Variants in KIAA1328 observed in about 807,000 individuals in gnomAD.
KIAA1328 encodes the protein KIAA1328, also known as protein hinderin.
KIAA1328 carries 52 observed loss-of-function variants against 68.1 expected under a neutral mutation model. That is an observed-to-expected ratio of 0.76 (90% CI 0.61 to 0.96). KIAA1328 has a LOEUF of 0.96. Among genes scored for constraint, KIAA1328 ranks in the 40% least tolerant of loss-of-function variants. KIAA1328 has a pLI of 0.00. For missense variants in KIAA1328, 641 were observed against 677.6 expected, an observed-to-expected ratio of 0.95 and a Z score of 0.60; for synonymous variants, 232 against 239.4, an observed-to-expected ratio of 0.97 and a Z score of 0.28.
intron 6 of KIAA1328, among the ~76,000 whole-genome samples, chr18:37,063,173 T>C (rs747623340): frequency 6.6e-6 from 1 of 152,044 alleles, no homozygotes; most frequent in Non-Finnish European, 1.5e-5. Context: ...TTGGCAGAAG[T>C]TAGTTTCTTA....
At chr18:36,993,756 A>C (rs1269258586) in intron 6 of KIAA1328, among the ~76,000 whole-genome samples, 1 of 152,190 alleles carries the variant, frequency 6.6e-6, no homozygotes, top group Non-Finnish European at 1.5e-5. Context: ...TTGTAACCGA[A>C]GAAAGAAAAG....
At chr18:36,904,302 G>GT (rs1245366732) in intron 5 of KIAA1328, among the ~76,000 whole-genome samples, 1 of 152,052 alleles carries the variant, frequency 6.6e-6, no homozygotes, top group Non-Finnish European at 1.5e-5. Flanking sequence ...CCTACTTGTT[G>GT]TATCAGTTAT....
intron 6 of KIAA1328, among the ~76,000 whole-genome samples, chr18:37,022,542 C>G (rs973152815): frequency 3.9e-5 from 6 of 152,136 alleles, no homozygotes; most frequent in Non-Finnish European, 8.8e-5. Context: ...TTACAGAAGG[C>G]TGATATTTAA....
At chr18:36,956,815 G>T (rs1598817919) in intron 5 of KIAA1328, among the ~76,000 whole-genome samples, 1 of 152,098 alleles carries the variant, frequency 6.6e-6, no homozygotes, top group African/African-American at 2.4e-5. Flanking sequence ...TCTCCTTTGT[G>T]TACATAATAG....
intron 4 of KIAA1328, among the ~76,000 whole-genome samples, chr18:36,860,253 G>A (rs183873110): frequency 3.3e-4 from 50 of 152,180 alleles, no homozygotes; most frequent in African/African-American, 1.1e-3. Flanking sequence ...GTTTTTGCTT[G>A]TTGAGGGCGT....
intron 9 of KIAA1328, among the ~76,000 whole-genome samples, chr18:37,212,953 AAGTGATCCACCTGCCTC>A (rs2060346153): frequency 6.6e-6 from 1 of 152,158 alleles, no homozygotes; most frequent in Non-Finnish European, 1.5e-5. Context: ...TCCTGACATC[AAGTGATCCACCTGCCTC>A]AGCCTCCCAA....
chr18:36,829,547 G>T, intron 1 of KIAA1328: 1 of 783,954 alleles, frequency 1.3e-6, no homozygotes, highest in East Asian at 5.9e-5. Context: ...TGACTTGAGT[G>T]TGCGGAGCTA....
At chr18:37,058,689 G>C (rs1199216096) in intron 6 of KIAA1328, among the ~76,000 whole-genome samples, 1 of 152,002 alleles carries the variant, frequency 6.6e-6, no homozygotes, top group Non-Finnish European at 1.5e-5. Context: ...TCCAGCCTGG[G>C]TGACAGAGCA....
chr18:37,009,474 C>T (rs902407523), intron 6 of KIAA1328, among the ~76,000 whole-genome samples: 1 of 151,954 alleles, frequency 6.6e-6, no homozygotes, highest in Non-Finnish European at 1.5e-5. Flanking sequence ...CTTTTTTTCT[C>T]CAGCAGCTGT....
chr18:37,035,386 T>A (rs1460769235), intron 6 of KIAA1328, among the ~76,000 whole-genome samples: 1 of 152,190 alleles, frequency 6.6e-6, no homozygotes, highest in Non-Finnish European at 1.5e-5. Flanking sequence ...TATATGCATT[T>A]TAGCAAACCT....
chr18:37,153,386 A>G (rs2059080092), intron 7 of KIAA1328, among the ~76,000 whole-genome samples: 1 of 152,172 alleles, frequency 6.6e-6, no homozygotes, highest in Non-Finnish European at 1.5e-5. Flanking sequence ...TATATTACAG[A>G]AAATGGCAGC....
intron 5 of KIAA1328, among the ~76,000 whole-genome samples, chr18:36,941,838 A>G (rs1357477519): frequency 6.6e-6 from 1 of 152,172 alleles, no homozygotes; most frequent in Non-Finnish European, 1.5e-5. Context: ...TACCATGCAG[A>G]ATCATTACTA....
At chr18:37,081,204 A>T (rs2056939946) in intron 7 of KIAA1328, among the ~76,000 whole-genome samples, 1 of 151,914 alleles carries the variant, frequency 6.6e-6, no homozygotes, top group Admixed American at 6.6e-5. Context: ...CTGGTCTCAA[A>T]CTCCTGATCT....
intron 7 of KIAA1328, among the ~76,000 whole-genome samples, chr18:37,082,166 A>T (rs1342209298): frequency 7.0e-5 from 7 of 100,414 alleles, no homozygotes; most frequent in East Asian, 2.5e-4. Context: ...TGCCCCAAGG[A>T]TTTTTTTTTT....
intron 9 of KIAA1328, among the ~76,000 whole-genome samples, chr18:37,176,138 A>G (rs984496140): frequency 6.6e-6 from 1 of 152,222 alleles, no homozygotes; most frequent in African/African-American, 2.4e-5. Context: ...ATTTATTTAA[A>G]GGACAACCTC....
chr18:36,924,442 AGAATCT>A (rs2050039973), intron 5 of KIAA1328, among the ~76,000 whole-genome samples: 1 of 152,188 alleles, frequency 6.6e-6, no homozygotes, highest in South Asian at 2.1e-4. Context: ...GGGAGCTAAC[AGAATCT>A]GAATGACCCT....
At chr18:36,929,137 G>A (rs2050224109) in intron 5 of KIAA1328, among the ~76,000 whole-genome samples, 1 of 152,048 alleles carries the variant, frequency 6.6e-6, no homozygotes, top group Non-Finnish European at 1.5e-5. Context: ...TTATCTTAAA[G>A]TTCCCTTTAG....
intron 7 of KIAA1328, among the ~76,000 whole-genome samples, chr18:37,079,344 A>G (rs2056865998): frequency 8.7e-6 from 1 of 115,242 alleles, no homozygotes. Context: ...GTGGGGGGAG[A>G]GGGGAGGGAT....
chr18:37,093,259 A>G (rs1442665386), intron 7 of KIAA1328, among the ~76,000 whole-genome samples: 1 of 152,264 alleles, frequency 6.6e-6, no homozygotes, highest in Non-Finnish European at 1.5e-5. Context: ...GTAACATAAC[A>G]TCTTCAAATG....
Sources: allele counts gnomAD v4.1 joint callset (sites outside exome capture counted in the v4.1 genomes callset), GRCh38; gene constraint gnomAD v4.1.1; transcripts MANE v1.5; gene names NCBI Gene and HGNC (gene_info 2026-07-23, HGNC 2026-07-21).